The following ETV6 variants were observed in gnomAD, a reference collection of about 807,000 sequenced individuals.
ETV6 encodes the protein ETS variant transcription factor 6.
A neutral mutation model predicts 51.1 loss-of-function variants in ETV6; 16 were observed. That is an observed-to-expected ratio of 0.31 (90% confidence interval 0.21 to 0.48). ETV6 has a LOEUF of 0.48. Ranked by LOEUF, ETV6 falls within the 20% of genes least tolerant of loss-of-function variation. ETV6 has a pLI of 0.99. For missense variants in ETV6, 458 were observed against 594.8 expected (o/e 0.77, Z 2.39); for synonymous variants, 240 against 224.1 (o/e 1.07, Z -0.64).
Position 11,892,207 on chromosome 12 carries a change from C to T in ETV6, c.*1161C>T. On this transcript the variant is annotated 3_prime_UTR_variant, in exon 8 of 8. Transcript: ENST00000396373. The stretch of plus-strand genomic sequence containing the variant: ...CTTGTGGTCAGTTTCATGCCCTCAC[C>T]TGATTTTTTTTTTTTTTTTTTTTTT... 4.9e-6 allele frequency: 1 copy of T among 204,932 alleles called. No individual in the cohort carries two copies. The highest frequency in any genetic ancestry group is 7.1e-5 in the Admixed American group (1 of 14,022). The allele number at this position is 204,932 out of a possible 1,614,324, so 12.7% of individuals were successfully genotyped here.
chr12:11,650,968 C>G (rs1160526574), intron 1 of ETV6, among the ~76,000 whole-genome samples: 2 of 152,190 alleles, frequency 1.3e-5, no homozygotes, highest in East Asian at 3.8e-4. Context: ...AAACACACTG[C>G]TGGGCTACCC....
chr12:11,780,372 A>G (rs961002557), intron 2 of ETV6, among the ~76,000 whole-genome samples: 2 of 152,198 alleles, frequency 1.3e-5, no homozygotes, highest in African/African-American at 4.8e-5. Flanking sequence ...ATATTCACCT[A>G]AATTCATTCT....
chr12:11,752,675 G>T lies in ETV6; in HGVS notation c.163+96G>T, dbSNP rs1180122769. Reference sequence around the variant, plus strand: ...AGGCCAGAGAGGGGCAAGCTCTGAGGTGGTTTTCACAGGACTTCGCCACGC... The same window carrying T: ...AGGCCAGAGAGGGGCAAGCTCTGAGTTGGTTTTCACAGGACTTCGCCACGC... On this transcript the variant is annotated intron_variant, in intron 2 of 7. Coordinates refer to ENST00000396373, the MANE Select transcript of ETV6 (RefSeq NM_001987.5). 3.4e-6 allele frequency: 5 copies of T among 1,470,056 alleles called. No individual in the cohort carries two copies. The African/African-American group carries it at 7.0e-5, about 21-fold the overall frequency. 91.1% of individuals were successfully genotyped at this position (1,470,056 alleles called of 1,614,324 possible). A position where few individuals can be genotyped will look rare whatever the true frequency, so the allele number is the denominator to read the frequency against.
intron 1 of ETV6, chr12:11,751,864 A>G: frequency 2.0e-6 from 1 of 509,900 alleles, no homozygotes. Context: ...TAGACGTTGG[A>G]TATTTTTGGT....
intron 1 of ETV6, among the ~76,000 whole-genome samples, chr12:11,675,055 A>C (rs771882207): frequency 6.6e-6 from 1 of 152,190 alleles, no homozygotes; most frequent in Non-Finnish European, 1.5e-5. Context: ...TTTTGCACGC[A>C]TATGTCTGTT....
intron 1 of ETV6, among the ~76,000 whole-genome samples, chr12:11,654,346 T>C (rs1292462578): frequency 1.3e-5 from 2 of 152,086 alleles, no homozygotes; most frequent in Non-Finnish European, 2.9e-5. Context: ...CTCTATTTTT[T>C]ACAGGGAGGG....
At chr12:11,876,059 T>C (rs1013298829) in intron 5 of ETV6, among the ~76,000 whole-genome samples, 2 of 152,162 alleles carry the variant, frequency 1.3e-5, no homozygotes. Flanking sequence ...AACAGTGCCC[T>C]TGCTCCCAAG....
rs1947363941 is a variant in ETV6, at chr12:11,894,599, A to C, written c.*3553A>C. On this transcript the variant is annotated 3_prime_UTR_variant, in exon 8 of 8. Transcript: ENST00000396373. ...GTCTTTTGATACTGATCTCTTGTCC[A>C]AATGAGAATGTCGCTTTAGCTGAAA... 1 of 233,322 alleles carries C rather than the reference A, an allele frequency of 4.3e-6. No homozygotes were observed. Among genetic ancestry groups the C allele is most frequent in the Non-Finnish European group, 8.5e-6 (1 of 118,040 alleles). 14.5% of individuals were successfully genotyped at this position (233,322 alleles called of 1,614,324 possible). A position where few individuals can be genotyped will look rare whatever the true frequency, so the allele number is the denominator to read the frequency against.
Position 11,891,988 on chromosome 12 carries a change from T to C in ETV6, c.*942T>C. The stretch of plus-strand genomic sequence containing the variant: ...TAAGGATGGAAGGCTGTCCAAGTTA[T>C]TTGGAAGGCCTCGGCAGCTTGGGAT... On this transcript the variant is annotated 3_prime_UTR_variant, in exon 8 of 8. Coordinates refer to ENST00000396373, the MANE Select transcript of ETV6 (RefSeq NM_001987.5). 1 of 234,538 alleles carries C rather than the reference T, an allele frequency of 4.3e-6. No individual in the cohort carries two copies. The highest frequency in any genetic ancestry group is 8.4e-6 in the Non-Finnish European group (1 of 118,896). The allele number at this position is 234,538 out of a possible 1,614,324, so 14.5% of individuals were successfully genotyped here. A position where few individuals can be genotyped will look rare whatever the true frequency, so the allele number is the denominator to read the frequency against.
rs1945931673 is a variant in ETV6 at position 11,812,668 on chromosome 12, C to T, written c.164-26472C>T. 2.0e-5 allele frequency among the ~76,000 whole-genome samples: 3 copies of T among 152,282 alleles called. No homozygotes were observed. The South Asian group carries it at 6.2e-4, about 32-fold the overall frequency. ...ACCGCCCTCAGTATTCTTTCACAGCCACCACAAAGCCACGCTTTCTCTGCT... is the reference window on the plus strand; with the variant it reads ...ACCGCCCTCAGTATTCTTTCACAGCTACCACAAAGCCACGCTTTCTCTGCT... On this transcript the variant is annotated intron_variant, in intron 2 of 7. Coordinates refer to ENST00000396373, the MANE Select transcript of ETV6 (RefSeq NM_001987.5).
intron 1 of ETV6, among the ~76,000 whole-genome samples, chr12:11,730,705 G>C (rs1865577603): frequency 6.6e-6 from 1 of 152,220 alleles, no homozygotes. Flanking sequence ...GCGGACTTCT[G>C]AGCTGGGTTT....
chr12:11,737,347 C>A (rs1442122045), intron 1 of ETV6, among the ~76,000 whole-genome samples: 2 of 152,160 alleles, frequency 1.3e-5, no homozygotes, highest in Non-Finnish European at 2.9e-5. Flanking sequence ...ACTCTGCACG[C>A]AGTTCTAAGA....
intron 2 of ETV6, among the ~76,000 whole-genome samples, chr12:11,773,593 G>A (rs1367421201): frequency 6.6e-6 from 1 of 152,198 alleles, no homozygotes; most frequent in African/African-American, 2.4e-5. Context: ...GAACCCCTTT[G>A]AAGGAGACTT....
At chr12:11,803,927 C>T (rs2855743) in intron 2 of ETV6, among the ~76,000 whole-genome samples, 122 of 152,034 alleles carry the variant, frequency 8.0e-4, no homozygotes, top group African/African-American at 2.4e-3. Context: ...GTATCATCAT[C>T]ATCATCATCA....
chr12:11,807,280 A>G (rs1244358063), intron 2 of ETV6, among the ~76,000 whole-genome samples: 1 of 152,266 alleles, frequency 6.6e-6, no homozygotes, highest in Non-Finnish European at 1.5e-5. Context: ...AAGAGAATAA[A>G]TGCACACTAA....
chr12:11,793,606 A>C (rs545439857), intron 2 of ETV6, among the ~76,000 whole-genome samples: 1 of 152,336 alleles, frequency 6.6e-6, no homozygotes, highest in African/African-American at 2.4e-5. Flanking sequence ...TACCACTATC[A>C]GCTAGGATTC....
At chr12:11,791,027 C>T (rs749315350) in intron 2 of ETV6, among the ~76,000 whole-genome samples, 12 of 152,102 alleles carry the variant, frequency 7.9e-5, no homozygotes, top group East Asian at 1.9e-4. Flanking sequence ...AGCCGTGACT[C>T]GACTGTCCAG....
intron 1 of ETV6, among the ~76,000 whole-genome samples, chr12:11,712,019 T>C (rs758559600): frequency 6.6e-6 from 1 of 152,212 alleles, no homozygotes; most frequent in Non-Finnish European, 1.5e-5. Flanking sequence ...GCATCTGCGA[T>C]TGTGTTAGTT....
chr12:11,787,407 C>A (rs971704241), intron 2 of ETV6, among the ~76,000 whole-genome samples: 4 of 152,128 alleles, frequency 2.6e-5, no homozygotes, highest in Non-Finnish European at 4.4e-5. Context: ...TATTGATTAT[C>A]TGTTTAAATG....
Sources: allele counts gnomAD v4.1 joint callset (sites outside exome capture counted in the v4.1 genomes callset), GRCh38; gene constraint gnomAD v4.1.1; transcripts MANE v1.5; gene names NCBI Gene and HGNC (gene_info 2026-07-23, HGNC 2026-07-21).